The following POU6F1 variants were observed in gnomAD, a reference collection of about 807,000 sequenced individuals.
The protein encoded by POU6F1 is POU class 6 homeobox 1.
In POU6F1, 9 loss-of-function variants were observed where a neutral mutation model predicts 28.9. The ratio of observed to expected loss-of-function variants is 0.31; its 90% CI spans 0.19 to 0.54. POU6F1 has a LOEUF of 0.54. POU6F1 is among the 20% of genes least tolerant of loss of function. POU6F1 has a pLI of 0.94. For missense variants in POU6F1, 338 were observed against 426.1 expected, an observed-to-expected ratio of 0.79 and a Z score of 1.82; for synonymous variants, 173 against 171.1, an observed-to-expected ratio of 1.01 and a Z score of -0.09.
intron 8 of POU6F1, among the ~76,000 whole-genome samples, chr12:51,194,144 G>A (rs1247416157): frequency 1.3e-5 from 2 of 151,792 alleles, no homozygotes; most frequent in Non-Finnish European, 2.9e-5. Context: ...CTCCTACCTC[G>A]GCCTCCCAAG....
At position 51,213,898 on chromosome 12, in the gene POU6F1, T is replaced by C. The variant is rs570892779; in HGVS notation, c.-48+3744A>G. 2.4e-4 allele frequency among the ~76,000 whole-genome samples: 36 copies of C among 152,048 alleles called. No homozygotes were observed. The South Asian group carries it at 5.8e-3, about 25-fold the overall frequency. Reference sequence around the variant, plus strand: ...TGGCTCACACCTGTAATTCCAGCACTTTGGGAGGCCAAGGCAGGAGGATCA... The same window carrying C: ...TGGCTCACACCTGTAATTCCAGCACCTTGGGAGGCCAAGGCAGGAGGATCA... On this transcript the variant is annotated intron_variant, in intron 1 of 10. Coordinates refer to ENST00000333640, the MANE Select transcript of POU6F1 (RefSeq NM_001330422.2).
chr12:51,208,570 G>A (rs75073150), intron 1 of POU6F1, among the ~76,000 whole-genome samples: 9 of 151,930 alleles, frequency 5.9e-5, no homozygotes, highest in South Asian at 2.1e-4. Flanking sequence ...GTCCTTCCCC[G>A]CAAATTCATG....
At chr12:51,206,475 CAAA>C (rs199769786) in intron 2 of POU6F1, among the ~76,000 whole-genome samples, 12,137 of 113,738 alleles carry the variant, frequency 0.11, 691 homozygotes, top group East Asian at 0.3. Flanking sequence ...TAGTAATTTG[CAAA>C]AAAAAAAAAA....
At chr12:51,216,015 C>G (rs564873949) in intron 1 of POU6F1, among the ~76,000 whole-genome samples, 1 of 151,984 alleles carries the variant, frequency 6.6e-6, no homozygotes, top group East Asian at 1.9e-4. Context: ...AATTATAAAG[C>G]ATTTTAAAAA....
chr12:51,207,669 G>C (rs1943717565), intron 1 of POU6F1: 1 of 152,242 alleles, frequency 6.6e-6, no homozygotes, highest in African/African-American at 2.4e-5. Flanking sequence ...TTAAAGTACA[G>C]AGTAGAGTGG....
At chr12:51,196,436 A>G (rs531344995) in intron 7 of POU6F1, among the ~76,000 whole-genome samples, 34 of 152,302 alleles carry the variant, frequency 2.2e-4, no homozygotes, top group African/African-American at 8.2e-4. Context: ...TTAGCTGTGT[A>G]GCTTTCATTG....
At chr12:51,203,366 T>C (rs1037188170) in intron 3 of POU6F1, among the ~76,000 whole-genome samples, 9 of 152,146 alleles carry the variant, frequency 5.9e-5, no homozygotes, top group Admixed American at 5.9e-4. Flanking sequence ...AGATGCAGGG[T>C]CCTTGTCTTC....
chr12:51,207,034 CT>C (rs905667900), intron 1 of POU6F1, 151 bp from the exon 2 acceptor site: 255 of 362,390 alleles, frequency 7.0e-4, no homozygotes, highest in East Asian at 8.3e-4. Flanking sequence ...AAAAAGGATT[CT>C]TTTTTTTTGA....
chr12:51,207,936 G>A (rs1390230695), intron 1 of POU6F1, among the ~76,000 whole-genome samples: 1 of 152,110 alleles, frequency 6.6e-6, no homozygotes, highest in East Asian at 1.9e-4. Context: ...CCTCATGTGA[G>A]GACAGGTTGT....
intron 3 of POU6F1, among the ~76,000 whole-genome samples, chr12:51,200,234 G>A (rs944223221): frequency 3.9e-5 from 6 of 152,214 alleles, no homozygotes; most frequent in African/African-American, 1.2e-4. Flanking sequence ...AGGGAGGGCC[G>A]GAGCTAGAAA....
chr12:51,214,030 T>G (rs2137239648), intron 1 of POU6F1, among the ~76,000 whole-genome samples: 1 of 151,780 alleles, frequency 6.6e-6, no homozygotes, highest in East Asian at 2.0e-4. Flanking sequence ...GTAATCTCAG[T>G]TACTTGGGTA....
In POU6F1 at chr12:51,191,682, C is replaced by T. The variant is rs1185083561; in HGVS notation, c.1404G>A (p.Arg468=). 6.2e-7 allele frequency: 1 copy of T among 1,614,194 alleles called. No individual in the cohort carries two copies. The highest frequency in any genetic ancestry group is 2.2e-5 in the East Asian group (1 of 44,878). Residue 468 remains arginine, a synonymous_variant, in exon 10 of 11, where the codon CGG becomes CGA. Coordinates refer to ENST00000333640, the MANE Select transcript of POU6F1 (RefSeq NM_001330422.2). ...REFAKNFKIR[R]LSLGLTQTQV... Reference sequence around the variant, plus strand: ...GGGTCTGTGTAAGGCCCAGCGAGAGCCGCCGGATCTTAAAGTTCTTGGCAA... The same window carrying T: ...GGGTCTGTGTAAGGCCCAGCGAGAGTCGCCGGATCTTAAAGTTCTTGGCAA...
intron 6 of POU6F1, 23 bp from the exon 7 acceptor site, chr12:51,196,950 G>A: frequency 6.9e-7 from 1 of 1,446,668 alleles, no homozygotes; most frequent in Non-Finnish European, 9.6e-7. Flanking sequence ...GAAGAGCCTT[G>A]CTCAGAAGCC....
At chr12:51,194,097 G>A (rs2137108404) in intron 8 of POU6F1, among the ~76,000 whole-genome samples, 1 of 152,194 alleles carries the variant, frequency 6.6e-6, no homozygotes, top group East Asian at 1.9e-4. Context: ...CATGATCTCG[G>A]CTCATCACAA....
intron 2 of POU6F1, among the ~76,000 whole-genome samples, chr12:51,206,329 A>C (rs1400005610): frequency 1.3e-5 from 2 of 151,292 alleles, no homozygotes; most frequent in Non-Finnish European, 2.9e-5. Flanking sequence ...AGGCTGAGGC[A>C]GAAGAATGGT....
Position 51,199,916 on chromosome 12 carries a change from G to A in POU6F1, c.245-48C>T. The A allele has an allele frequency of 2.5e-6, 1 of 399,428 alleles. No homozygotes were observed. The highest frequency in any genetic ancestry group is 4.4e-6 in the Non-Finnish European group (1 of 226,232). The allele number at this position is 399,428 out of a possible 1,614,324, so 24.7% of individuals were successfully genotyped here. On this transcript the variant is annotated intron_variant, in intron 3 of 10. Transcript: ENST00000333640. This position sits in a 1 kb window ranked among gnomAD's most constrained non-coding sequence, Gnocchi z 4.1. ...GAAGGACAAGGAGTGAGCCTGACGT[G>A]AGTGGAGGGGTCACCACAGCAGTAC... is the stretch of plus-strand genomic sequence containing the variant.
At position 51,190,215 on chromosome 12, in the gene POU6F1, A is replaced by G. The variant is rs1565596960; in HGVS notation, c.*32T>C. ...AGCCGGATGCCACGGGAAATGGACA[A>G]AGTGCTAGAACACAGGGCCAGGGGC... On this transcript the variant is annotated 3_prime_UTR_variant, in exon 11 of 11. Coordinates refer to ENST00000333640, the MANE Select transcript of POU6F1 (RefSeq NM_001330422.2). This position sits in a 1 kb window ranked among gnomAD's most constrained non-coding sequence, Gnocchi z 4.5. The G allele has an allele frequency of 6.2e-7, 1 of 1,601,874 alleles. No homozygotes were observed. The highest frequency in any genetic ancestry group is 1.3e-5 in the African/African-American group (1 of 74,668).
In POU6F1 at chr12:51,217,838, G is replaced by A. The variant is rs1944371778; in HGVS notation, c.-244C>T. 1 of 151,848 alleles carries A rather than the reference G, an allele frequency of 6.6e-6. No individual in the cohort carries two copies. The highest frequency in any genetic ancestry group is 2.4e-5 in the African/African-American group (1 of 41,404). The allele number at this position is 151,848 out of a possible 1,614,324, so 9.4% of individuals were successfully genotyped here. On this transcript the variant is annotated 5_prime_UTR_variant, in exon 1 of 11. Transcript: ENST00000333640. This position sits in a 1 kb window ranked among gnomAD's most constrained non-coding sequence, Gnocchi z 5.3. ...GGTCGGGACCCGCCGCCGCCCCCAG[G>A]CCCCCAGCCTGGGCTGGGCAGAGCC...
At chr12:51,191,084 C>T (rs1261420968) in intron 10 of POU6F1, among the ~76,000 whole-genome samples, 2 of 152,184 alleles carry the variant, frequency 1.3e-5, no homozygotes, top group Admixed American at 1.3e-4. Context: ...CAGATGAAAC[C>T]TTTTGGCCAT....
Sources: gnomAD v4.1 joint callset for allele counts (sites outside exome capture counted in the v4.1 genomes callset) on GRCh38, gnomAD v4.1.1 for gene constraint, Gnocchi (gnomAD v3.1) non-coding constraint, MANE v1.5 for transcripts, NCBI Gene and HGNC (gene_info 2026-07-23, HGNC 2026-07-21) for gene names.